Variants in PAQR3 observed in about 807,000 individuals in gnomAD.
PAQR3 encodes Raf kinase trapping to Golgi.
PAQR3 carries 39 observed loss-of-function variants against 41.7 expected under a neutral mutation model. The observed-to-expected ratio is 0.93, with a 90% CI of 0.72 to 1.22. The LOEUF (loss-of-function observed/expected upper bound fraction) is 1.22. PAQR3 is among the 50% of genes most tolerant of loss of function. PAQR3 has a pLI of 0.00. For synonymous variants in PAQR3, 140 were observed against 140.6 expected (o/e 1.00, Z 0.03); for missense variants, 366 against 385.6 (o/e 0.95, Z 0.42).
At position 78,926,398 on chromosome 4, in the gene PAQR3, T is replaced by C. The variant is rs1736225852; in HGVS notation, c.702+123A>G. 5.1e-6 allele frequency: 4 copies of C among 782,444 alleles called. No homozygotes were observed. The East Asian group carries it at 8.1e-5, about 16-fold the overall frequency. 48.5% of individuals were successfully genotyped at this position (782,444 alleles called of 1,614,324 possible). A position where few individuals can be genotyped will look rare whatever the true frequency, so the allele number is the denominator to read the frequency against. The stretch of plus-strand genomic sequence containing the variant: ...TGAAAATTACGGCATCAACATGCAA[T>C]TACAAATATGTTCTCAAATGACAAA... On this transcript the variant is annotated intron_variant, in intron 4 of 5. Coordinates refer to ENST00000512733, the MANE Select transcript of PAQR3 (RefSeq NM_001040202.2).
chr4:78,908,518 A>G (rs771377659), downstream of PAQR3, among the ~76,000 whole-genome samples: 84 of 152,086 alleles, frequency 5.5e-4, no homozygotes, highest in Admixed American at 1.4e-3. Flanking sequence ...CTTTTCTTCT[A>G]TGTTTTCTTC....
At chr4:78,909,476 G>A (rs58761040), downstream of PAQR3, among the ~76,000 whole-genome samples, 10,312 of 152,070 alleles carry the variant, frequency 0.068, 469 homozygotes, top group East Asian at 0.21. Flanking sequence ...CATGGCCTTA[G>A]AGGACCTTCA....
chr4:78,897,652 A>G (rs1421041694), intron 11 of PAQR3, among the ~76,000 whole-genome samples: 3 of 152,078 alleles, frequency 2.0e-5, no homozygotes, highest in Non-Finnish European at 4.4e-5. Context: ...TTTTCATAGC[A>G]TTTTTTATAG....
intron 3 of PAQR3, among the ~76,000 whole-genome samples, chr4:78,927,532 T>G (rs925855305): frequency 6.6e-6 from 1 of 152,248 alleles, no homozygotes. Flanking sequence ...ATTTTTGAAA[T>G]AAGCTTAAGT....
chr4:78,889,031 C>G (rs1733268863), intron 11 of PAQR3, among the ~76,000 whole-genome samples: 1 of 152,082 alleles, frequency 6.6e-6, no homozygotes, highest in Non-Finnish European at 1.5e-5. Context: ...ACCATCCTGG[C>G]TAACACGGTG....
intron 2 of PAQR3, chr4:78,933,115 C>T: frequency 2.2e-6 from 1 of 454,362 alleles, no homozygotes; most frequent in Non-Finnish European, 4.4e-6. Flanking sequence ...TGTCTTGCTT[C>T]TTTTTTCCTG....
chr4:78,911,629 G>A, downstream of PAQR3: 1 of 1,613,978 alleles, frequency 6.2e-7, no homozygotes, highest in Non-Finnish European at 8.5e-7. Context: ...GGGCCGCCGA[G>A]ACTCTCAAAG....
At chr4:78,906,260 G>A (rs1299693789) in intron 10 of PAQR3, 24 of 152,120 alleles carry the variant, frequency 1.6e-4, no homozygotes, top group Admixed American at 1.6e-3. Flanking sequence ...CAGTAAAAGT[G>A]TAGAGTGAAA....
chr4:78,897,194 T>C (rs1232055570), intron 11 of PAQR3, among the ~76,000 whole-genome samples: 1 of 141,608 alleles, frequency 7.1e-6, no homozygotes, highest in Non-Finnish European at 1.5e-5. Flanking sequence ...AATGTTTTTT[T>C]GATTTTTTTA....
At chr4:78,901,183 A>G (rs923955158) in intron 11 of PAQR3, among the ~76,000 whole-genome samples, 1 of 152,008 alleles carries the variant, frequency 6.6e-6, no homozygotes, top group Non-Finnish European at 1.5e-5. Flanking sequence ...AGCTGGGACT[A>G]TAGGTGTGCA....
In PAQR3 at chr4:78,912,645, A is replaced by G. The variant is rs1734709169; in HGVS notation, c.*7894T>C. ...TAAAAACAAGTGCCATTAAAATGGA[A>G]TATCTAATGATAAGCATATGAAATA... On this transcript the variant is annotated 3_prime_UTR_variant, in exon 6 of 6. Coordinates refer to ENST00000512733, the MANE Select transcript of PAQR3 (RefSeq NM_001040202.2). The G allele has an allele frequency of 1.3e-5, 2 of 152,236 alleles. No homozygotes were observed. The highest frequency in any genetic ancestry group is 4.8e-5 in the African/African-American group (2 of 41,454). 9.4% of individuals were successfully genotyped at this position (152,236 alleles called of 1,614,324 possible).
intron 11 of PAQR3, among the ~76,000 whole-genome samples, chr4:78,897,614 T>C (rs1733770775): frequency 6.6e-6 from 1 of 152,194 alleles, no homozygotes; most frequent in Non-Finnish European, 1.5e-5. Context: ...TGTAAAACTT[T>C]TTGATCCTTT....
Position 78,920,557 on chromosome 4 carries a change from G to C in PAQR3, c.918C>G (p.Asp306Glu). 6.2e-7 allele frequency: 1 copy of C among 1,607,698 alleles called. No individual in the cohort carries two copies. Among genetic ancestry groups the C allele is most frequent in the Non-Finnish European group, 8.5e-7 (1 of 1,176,896 alleles). ...ACCTAATTCACAAATGTGAAACATA[G>C]TCAGGACAAGGCTTGCTATGTCTGT... ...MQYRHSKPCP[D>E]YVSHL Residue 306 changes from aspartate to glutamate, a missense_variant, in exon 6 of 6, where the codon GAC (aspartate) becomes GAG (glutamate). Asp to Glu is a conservative substitution (Grantham distance 45, BLOSUM62 2). Coordinates refer to ENST00000512733, the MANE Select transcript of PAQR3 (RefSeq NM_001040202.2).
intron 11 of PAQR3, among the ~76,000 whole-genome samples, chr4:78,897,503 AAC>A (rs1422986813): frequency 2.6e-5 from 4 of 152,338 alleles, no homozygotes; most frequent in South Asian, 2.1e-4. Context: ...ATATAGGAAA[AAC>A]ACAATCTCAT....
rs1478416090 is a variant in PAQR3, at chr4:78,919,508, T to C, written c.*1031A>G. Reference sequence around the variant, plus strand: ...GAGTTATCAATGCAATGCTAACACATGCAGAAACCGAGGACCAGAGCACAG... The same window carrying C: ...GAGTTATCAATGCAATGCTAACACACGCAGAAACCGAGGACCAGAGCACAG... On this transcript the variant is annotated 3_prime_UTR_variant, in exon 6 of 6. Transcript: ENST00000512733. The C allele has an allele frequency of 1.0e-6, 1 of 985,056 alleles. No individual in the cohort carries two copies. The highest frequency in any genetic ancestry group is 1.2e-6 in the Non-Finnish European group (1 of 829,800). 61.0% of individuals were successfully genotyped at this position (985,056 alleles called of 1,614,324 possible). A position where few individuals can be genotyped will look rare whatever the true frequency, so the allele number is the denominator to read the frequency against.
chr4:78,900,808 A>G (rs983580453), intron 11 of PAQR3, among the ~76,000 whole-genome samples: 19 of 152,240 alleles, frequency 1.2e-4, no homozygotes, highest in African/African-American at 4.6e-4. Context: ...TGATCCATTT[A>G]CGCAAAAATC....
In PAQR3 at chr4:78,918,522, T is replaced by C. The variant is rs1270084480; in HGVS notation, c.*2017A>G. 1 of 967,884 alleles carries C rather than the reference T, an allele frequency of 1.0e-6. No individual in the cohort carries two copies. Among genetic ancestry groups the C allele is most frequent in the Non-Finnish European group, 1.2e-6 (1 of 813,730 alleles). The allele number at this position is 967,884 out of a possible 1,614,324, so 60.0% of individuals were successfully genotyped here. On this transcript the variant is annotated 3_prime_UTR_variant, in exon 6 of 6. Transcript: ENST00000512733. ...TTTCTTACAATATTTAACATTTTCATACAGAGTTGAAATGTTTACATGGAA... is the reference window on the plus strand; with the variant it reads ...TTTCTTACAATATTTAACATTTTCACACAGAGTTGAAATGTTTACATGGAA...
intron 3 of PAQR3, among the ~76,000 whole-genome samples, chr4:78,927,084 A>T (rs970265815): frequency 6.6e-6 from 1 of 152,226 alleles, no homozygotes; most frequent in African/African-American, 2.4e-5. Context: ...AAAGATTATA[A>T]TCTTATGGTA....
chr4:78,914,883 T>C lies in PAQR3; in HGVS notation c.*5656A>G, dbSNP rs2110117477. On this transcript the variant is annotated 3_prime_UTR_variant, in exon 6 of 6. Coordinates refer to ENST00000512733, the MANE Select transcript of PAQR3 (RefSeq NM_001040202.2). Reference sequence around the variant, plus strand: ...CAAAAATCTTGAGGCCAAAGTTGTTTCTTAACAGCTTTAATAATGCTTGTT... The same window carrying C: ...CAAAAATCTTGAGGCCAAAGTTGTTCCTTAACAGCTTTAATAATGCTTGTT... 1 of 152,132 alleles carries C rather than the reference T, an allele frequency of 6.6e-6. No individual in the cohort carries two copies. The highest frequency in any genetic ancestry group is 2.4e-5 in the African/African-American group (1 of 41,560). The allele number at this position is 152,132 out of a possible 1,614,324, so 9.4% of individuals were successfully genotyped here.
Sources: allele counts gnomAD v4.1 joint callset (sites outside exome capture counted in the v4.1 genomes callset), GRCh38; gene constraint gnomAD v4.1.1; transcripts MANE v1.5; gene names NCBI Gene and HGNC (gene_info 2026-07-23, HGNC 2026-07-21).